RGS22: variants seen among roughly 807,000 people sequenced by gnomAD.
RGS22 encodes the protein regulator of G protein signaling 22, also known as regulator of G-protein signaling 22.
Under a neutral mutation model 172.9 loss-of-function variants are expected in RGS22, and 148 were observed. The observed-to-expected ratio is 0.86, with a 90% CI of 0.75 to 0.98. The LOEUF (loss-of-function observed/expected upper bound fraction) is 0.98. RGS22 is among the 50% of genes least tolerant of loss of function. The pLI, the probability that RGS22 is intolerant of heterozygous loss-of-function variation, is 0.00. For missense variants in RGS22, 1,347 were observed against 1,440.8 expected (o/e 0.93, Z 1.05); for synonymous variants, 458 against 480.2 (o/e 0.95, Z 0.60).
intron 16 of RGS22, among the ~76,000 whole-genome samples, chr8:100,004,857 T>G (rs1052357615): frequency 6.6e-5 from 10 of 151,690 alleles, no homozygotes; most frequent in African/African-American, 2.4e-4. Context: ...TAAAAGTTAA[T>G]TTTTAGGTAA....
intron 23 of RGS22, among the ~76,000 whole-genome samples, chr8:99,967,887 G>T (rs1810920701): frequency 6.6e-6 from 1 of 152,160 alleles, no homozygotes; most frequent in South Asian, 2.1e-4. Context: ...CTCTGCTAAG[G>T]GACAGACTGC....
At chr8:100,042,162 T>C (rs1037903127) in intron 11 of RGS22, among the ~76,000 whole-genome samples, 11 of 152,196 alleles carry the variant, frequency 7.2e-5, no homozygotes, top group African/African-American at 2.4e-4. Context: ...TGGTTTATTA[T>C]AGATGCCAAA....
rs368603031 is a variant in RGS22 at position 100,056,335 on chromosome 8, G to T, written c.1515-3359C>A. ...TGCAGCCTGATGATGCGACAGAAAA[G>T]AAAACCCATTTTCTAGGGAGAAATT... On this transcript the variant is annotated intron_variant, in intron 9 of 27. Coordinates refer to ENST00000360863, the MANE Select transcript of RGS22 (RefSeq NM_015668.5). Among the ~76,000 whole-genome samples the T allele has an allele frequency of 4.1e-4, 62 of 152,250 alleles. 1 individual carries two copies. In the East Asian group the frequency reaches 7.9e-3, roughly 19 times the overall value.
chr8:99,965,374 G>A lies in RGS22; in HGVS notation c.3576C>T (p.Leu1192=), dbSNP rs777385213. The change falls in exon 24 of 28, where the codon CTC becomes CTT. Residue 1192 remains leucine, a synonymous_variant. Transcript: ENST00000360863. ...GTTGGAGGCCTAGGAAGGAATCACT[G>A]AGTAAAGCAGTTTTGATAGCAGGCA... The part of the protein sequence containing the change: ...TSVPAIKTAL[L]SDSFLGLQPY... The A allele has an allele frequency of 6.2e-7, 1 of 1,613,690 alleles. No individual in the cohort carries two copies. The highest frequency in any genetic ancestry group is 8.5e-7 in the Non-Finnish European group (1 of 1,179,768).
At chr8:99,976,384 C>CG (rs961773333) in intron 23 of RGS22, among the ~76,000 whole-genome samples, 71 of 151,932 alleles carry the variant, frequency 4.7e-4, no homozygotes, top group African/African-American at 1.6e-3. Context: ...GTTTTTGAGA[C>CG]GGAGTCTTGC....
At chr8:100,086,691 A>C (rs998971890) in intron 3 of RGS22, among the ~76,000 whole-genome samples, 1 of 151,924 alleles carries the variant, frequency 6.6e-6, no homozygotes, top group African/African-American at 2.4e-5. Context: ...GCACATGTAC[A>C]CCCCTGAATC....
At chr8:99,980,024 A>C (rs995607312) in intron 22 of RGS22, among the ~76,000 whole-genome samples, 2 of 152,216 alleles carry the variant, frequency 1.3e-5, no homozygotes, top group Non-Finnish European at 2.9e-5. Flanking sequence ...GGAGTGGTAA[A>C]AGATGTAGCT....
At chr8:100,002,094 CA>C (rs1182491131) in intron 18 of RGS22, 107 bp downstream of exon 18, 7 of 816,522 alleles carry the variant, frequency 8.6e-6, no homozygotes, top group Non-Finnish European at 1.3e-5. Context: ...ACACATTAGT[CA>C]TAAGCAAAAG....
chr8:100,013,897 G>C (rs901484089), intron 14 of RGS22, among the ~76,000 whole-genome samples: 2 of 151,980 alleles, frequency 1.3e-5, no homozygotes, highest in African/African-American at 4.8e-5. Flanking sequence ...GTATCCTCAA[G>C]TTCCTACTAA....
chr8:100,003,487 T>C (rs1815340421), intron 17 of RGS22, among the ~76,000 whole-genome samples: 1 of 151,928 alleles, frequency 6.6e-6, no homozygotes, highest in Non-Finnish European at 1.5e-5. Context: ...GTTATAAGGT[T>C]CCAAGATTCT....
In RGS22 at chr8:100,057,153, T is replaced by C. The variant is rs574997374; in HGVS notation, c.1515-4177A>G. ...TGTCCTGCTGGATTTTGGACTTGCA[T>C]GGGGCCTGTAGCCCTTTCGTTTTGG... On this transcript the variant is annotated intron_variant, in intron 9 of 27. Transcript: ENST00000360863. 1.7e-4 allele frequency among the ~76,000 whole-genome samples: 26 copies of C among 152,320 alleles called. 1 individual carries two copies. The highest frequency in any genetic ancestry group is 6.3e-4 in the African/African-American group (26 of 41,576).
chr8:99,977,704 A>C (rs1812127826), intron 23 of RGS22, among the ~76,000 whole-genome samples: 1 of 152,176 alleles, frequency 6.6e-6, no homozygotes, highest in Non-Finnish European at 1.5e-5. Context: ...TGCCACAGAG[A>C]GTCAAGGAAG....
At chr8:99,998,165 T>C (rs1008619867) in intron 19 of RGS22, among the ~76,000 whole-genome samples, 1 of 152,232 alleles carries the variant, frequency 6.6e-6, no homozygotes, top group Non-Finnish European at 1.5e-5. Context: ...AATATCCTTG[T>C]ATAACCTTGT....
At chr8:99,989,861 C>CAGACAGATAGAT (rs769300360) in intron 20 of RGS22, among the ~76,000 whole-genome samples, 3 of 146,328 alleles carry the variant, frequency 2.1e-5, no homozygotes, top group Non-Finnish European at 3.0e-5. Flanking sequence ...GATAGACAGA[C>CAGACAGATAGAT]AGATAGATAG....
At chr8:100,029,095 C>A (rs1589012397) in intron 14 of RGS22, among the ~76,000 whole-genome samples, 1 of 152,076 alleles carries the variant, frequency 6.6e-6, no homozygotes, top group East Asian at 1.9e-4. Context: ...AAATCTGAGG[C>A]CATCAGTCTA....
chr8:100,007,928 A>G (rs1815904487), intron 15 of RGS22, among the ~76,000 whole-genome samples: 2 of 151,964 alleles, frequency 1.3e-5, no homozygotes, highest in Non-Finnish European at 2.9e-5. Flanking sequence ...TCTAAATCTT[A>G]GGGCCACGTG....
chr8:100,033,694 A>T (rs1380788449), intron 14 of RGS22, among the ~76,000 whole-genome samples: 1 of 152,102 alleles, frequency 6.6e-6, no homozygotes, highest in African/African-American at 2.4e-5. Context: ...CATCTCTGAC[A>T]TCAATGCGAA....
chr8:100,073,088 T>G (rs1323531829), intron 4 of RGS22, among the ~76,000 whole-genome samples: 1 of 152,228 alleles, frequency 6.6e-6, no homozygotes, highest in African/African-American at 2.4e-5. Context: ...TTTCTTGTAT[T>G]CACTTTTTCT....
intron 23 of RGS22, among the ~76,000 whole-genome samples, chr8:99,972,942 G>A (rs1214469944): frequency 6.9e-6 from 1 of 145,898 alleles, no homozygotes; most frequent in East Asian, 2.0e-4. Flanking sequence ...GCTGAGGCAG[G>A]AGAATGGTGT....
Sources: gnomAD v4.1 joint callset for allele counts (sites outside exome capture counted in the v4.1 genomes callset) on GRCh38, gnomAD v4.1.1 for gene constraint, MANE v1.5 for transcripts, NCBI Gene and HGNC (gene_info 2026-07-23, HGNC 2026-07-21) for gene names.